PTPRD: variants seen among roughly 807,000 people sequenced by gnomAD.
The protein encoded by PTPRD is receptor-type tyrosine-protein phosphatase delta.
PTPRD carries 34 observed loss-of-function variants against 214.5 expected under a neutral mutation model. The ratio of observed to expected loss-of-function variants is 0.16; its 90% CI spans 0.12 to 0.21. PTPRD has a LOEUF of 0.21. Among genes scored for constraint, PTPRD ranks in the 10% least tolerant of loss-of-function variants. The pLI, the probability that PTPRD is intolerant of heterozygous loss-of-function variation, is 1.00. For missense variants in PTPRD, 2,545 were observed against 2,398.7 expected (o/e 1.06, Z -1.27); for synonymous variants, 1,128 against 845.7 (o/e 1.33, Z -5.79).
chr9:8,841,914 G>C (rs1181300860), intron 11 of PTPRD, among the ~76,000 whole-genome samples: 1 of 151,886 alleles, frequency 6.6e-6, no homozygotes, highest in Non-Finnish European at 1.5e-5. Context: ...GGGAGGCTGA[G>C]GCAGGAGAAT....
chr9:8,641,307 C>T (rs1554980995), intron 12 of PTPRD, among the ~76,000 whole-genome samples: 3 of 147,306 alleles, frequency 2.0e-5, no homozygotes, highest in Non-Finnish European at 4.4e-5. Context: ...AGTTAGTGTA[C>T]AAAAAAAAGA....
intron 5 of PTPRD, among the ~76,000 whole-genome samples, chr9:9,787,889 C>T (rs183673212): frequency 6.6e-6 from 1 of 151,866 alleles, no homozygotes; most frequent in Non-Finnish European, 1.5e-5. Context: ...TCAAGAGATT[C>T]TCCTGCCTTA....
At chr9:10,436,065 G>A (rs1256110211) in intron 2 of PTPRD, among the ~76,000 whole-genome samples, 1 of 151,828 alleles carries the variant, frequency 6.6e-6, no homozygotes. Context: ...AGTTTGAAAA[G>A]TCATTTAGTA....
At chr9:8,793,314 C>G (rs2096295307) in intron 11 of PTPRD, among the ~76,000 whole-genome samples, 1 of 152,168 alleles carries the variant, frequency 6.6e-6, no homozygotes, top group Non-Finnish European at 1.5e-5. Flanking sequence ...TGGAACTCAA[C>G]TGATAAGGAA....
intron 39 of PTPRD, among the ~76,000 whole-genome samples, chr9:8,361,732 G>C (rs76973858): frequency 0.065 from 9,942 of 152,262 alleles, 424 homozygotes; most frequent in Middle Eastern, 0.11. Flanking sequence ...GCTGTGTGAT[G>C]CGTGCTTGGG....
At chr9:9,955,408 A>T (rs940645613) in intron 4 of PTPRD, among the ~76,000 whole-genome samples, 1 of 152,150 alleles carries the variant, frequency 6.6e-6, no homozygotes, top group African/African-American at 2.4e-5. Flanking sequence ...TGAATCTTAA[A>T]ATAAAACCTT....
chr9:9,726,988 G>C (rs546754470), intron 7 of PTPRD, among the ~76,000 whole-genome samples: 2 of 152,226 alleles, frequency 1.3e-5, no homozygotes, highest in East Asian at 1.9e-4. Flanking sequence ...TTTGAAATTA[G>C]GGAAGAACTA....
At chr9:8,624,884 G>A (rs1486983012) in intron 14 of PTPRD, among the ~76,000 whole-genome samples, 2 of 151,802 alleles carry the variant, frequency 1.3e-5, no homozygotes, top group Admixed American at 1.3e-4. Flanking sequence ...TCATCTTGCA[G>A]AGGCCACTGA....
chr9:8,422,315 G>T (rs1028295675), intron 35 of PTPRD, among the ~76,000 whole-genome samples: 7 of 151,898 alleles, frequency 4.6e-5, no homozygotes, highest in African/African-American at 1.5e-4. Context: ...CACAATCCTT[G>T]TAATGTTTAT....
At chr9:10,289,023 G>GT (rs5896383) in intron 3 of PTPRD, among the ~76,000 whole-genome samples, 18,841 of 145,768 alleles carry the variant, frequency 0.13, 1,360 homozygotes, top group Non-Finnish European at 0.17. Flanking sequence ...AAGATGGAGA[G>GT]TTTTTTTTTT....
intron 30 of PTPRD, among the ~76,000 whole-genome samples, chr9:8,477,841 T>G (rs2135411432): frequency 6.6e-6 from 1 of 152,316 alleles, no homozygotes; most frequent in South Asian, 2.1e-4. Context: ...ACCAATAAAC[T>G]TATGGGCACA....
At chr9:9,398,672 A>C (rs2068871635) in intron 8 of PTPRD, among the ~76,000 whole-genome samples, 1 of 152,024 alleles carries the variant, frequency 6.6e-6, no homozygotes, top group African/African-American at 2.4e-5. Context: ...ATTCTTTAAG[A>C]CTTTTTCAAT....
intron 14 of PTPRD, among the ~76,000 whole-genome samples, chr9:8,597,320 G>A (rs982650177): frequency 6.6e-6 from 1 of 152,010 alleles, no homozygotes; most frequent in African/African-American, 2.4e-5. Flanking sequence ...ATAAATTTCT[G>A]CCTATCCCTG....
At chr9:10,178,627 T>C (rs72696953) in intron 3 of PTPRD, among the ~76,000 whole-genome samples, 8,068 of 152,104 alleles carry the variant, frequency 0.053, 300 homozygotes, top group Admixed American at 0.1. Context: ...GCTGGCCTCC[T>C]ACACAATGAA....
chr9:9,203,835 A>G (rs2099943277), intron 9 of PTPRD, among the ~76,000 whole-genome samples: 1 of 152,250 alleles, frequency 6.6e-6, no homozygotes, highest in African/African-American at 2.4e-5. Context: ...CTTATGTAGA[A>G]AATGGCTATT....
At chr9:8,810,837 C>T (rs1420586403) in intron 11 of PTPRD, among the ~76,000 whole-genome samples, 1 of 152,142 alleles carries the variant, frequency 6.6e-6, no homozygotes, top group African/African-American at 2.4e-5. Flanking sequence ...CGTGAGGTCT[C>T]AGAGGCTCAC....
intron 10 of PTPRD, among the ~76,000 whole-genome samples, chr9:9,124,929 A>G (rs2099825666): frequency 6.6e-6 from 1 of 152,154 alleles, no homozygotes; most frequent in African/African-American, 2.4e-5. Context: ...TCCAGTCACT[A>G]TTTTGTTAAC....
chr9:9,941,385 T>C (rs1017651533), intron 4 of PTPRD, among the ~76,000 whole-genome samples: 1 of 152,202 alleles, frequency 6.6e-6, no homozygotes, highest in Non-Finnish European at 1.5e-5. Context: ...GGCAGTGGCA[T>C]GATCTCAGCT....
At chr9:8,779,238 T>C (rs2095602094) in intron 11 of PTPRD, among the ~76,000 whole-genome samples, 3 of 152,098 alleles carry the variant, frequency 2.0e-5, no homozygotes, top group Non-Finnish European at 4.4e-5. Flanking sequence ...TTAAGCAAAA[T>C]ACAATAGGAA....
Sources: allele counts gnomAD v4.1 joint callset (sites outside exome capture counted in the v4.1 genomes callset), GRCh38; gene constraint gnomAD v4.1.1; transcripts MANE v1.5; gene names NCBI Gene and HGNC (gene_info 2026-07-23, HGNC 2026-07-21).